Variants in CCDC33 observed in about 807,000 individuals in gnomAD.
CCDC33 encodes the protein coiled-coil domain-containing protein 33.
Under a neutral mutation model 91.9 loss-of-function variants are expected in CCDC33, and 94 were observed. The ratio of observed to expected loss-of-function variants is 1.02; its 90% CI spans 0.87 to 1.21. CCDC33 has a LOEUF of 1.21. CCDC33 is among the 50% of genes most tolerant of loss of function. The probability of loss-of-function intolerance (pLI) is 0.00; values close to 1 mark genes in which losing one functional copy is unlikely to be tolerated. For missense variants in CCDC33, 940 were observed against 935.5 expected, an observed-to-expected ratio of 1.00 and a Z score of -0.06; for synonymous variants, 396 against 374.5, an observed-to-expected ratio of 1.06 and a Z score of -0.66.
At chr15:74,290,997 T>A (rs1478668982) in intron 10 of CCDC33, among the ~76,000 whole-genome samples, 1 of 152,208 alleles carries the variant, frequency 6.6e-6, no homozygotes, top group African/African-American at 2.4e-5. Context: ...ACAGAATTTT[T>A]AAAAATTCTT....
chr15:74,248,937 A>C (rs1341952858), intron 2 of CCDC33, among the ~76,000 whole-genome samples: 1 of 152,156 alleles, frequency 6.6e-6, no homozygotes, highest in Non-Finnish European at 1.5e-5. Context: ...CAGGTAAAGG[A>C]AATAATGTAT....
At chr15:74,235,282 G>T (rs2075114042), upstream of CCDC33, among the ~76,000 whole-genome samples, 1 of 152,142 alleles carries the variant, frequency 6.6e-6, no homozygotes, top group Non-Finnish European at 1.5e-5. Context: ...CAAAAGCAAA[G>T]CCTCAGTTTT....
chr15:74,318,453 C>G, intron 11 of CCDC33: 2 of 551,732 alleles, frequency 3.6e-6, no homozygotes, highest in South Asian at 2.6e-5. Context: ...ACACCCCCCA[C>G]CCTGGAACAA....
intron 2 of CCDC33, among the ~76,000 whole-genome samples, chr15:74,209,906 C>T (rs2074344395): frequency 6.6e-6 from 1 of 152,146 alleles, no homozygotes; most frequent in South Asian, 2.1e-4. Context: ...GCAGTCTCTT[C>T]CTTGAAGGAG....
upstream of CCDC33, among the ~76,000 whole-genome samples, chr15:74,215,341 A>G (rs2074413318): frequency 6.6e-6 from 1 of 152,154 alleles, no homozygotes; most frequent in African/African-American, 2.4e-5. Context: ...ATTCACAGAG[A>G]CGGAAAGTAG....
chr15:74,229,246 A>G (rs760436852), intron 2 of CCDC33, among the ~76,000 whole-genome samples: 8 of 152,176 alleles, frequency 5.3e-5, no homozygotes, highest in Non-Finnish European at 7.3e-5. Flanking sequence ...TAATCCCAGC[A>G]CTTTGGGAGA....
rs779909013 is a variant in CCDC33 at position 74,331,202 on chromosome 15, G to A, written c.1678-1G>A. ...AGCCCAGCCTCTGCTCTGCTCTCCA[G>A]GTGATCGAGAAGATGGAGCGGGTGC... On this transcript the variant is annotated splice_acceptor_variant, in intron 14 of 18. Coordinates refer to ENST00000398814, the MANE Select transcript of CCDC33 (RefSeq NM_025055.5). LOFTEE classifies it high-confidence loss of function. 2 of 1,614,194 alleles carry A rather than the reference G, an allele frequency of 1.2e-6. No homozygotes were observed. Among genetic ancestry groups the A allele is most frequent in the East Asian group, 2.2e-5 (1 of 44,878 alleles).
At chr15:74,276,031 C>T (rs1397261492) in intron 7 of CCDC33, among the ~76,000 whole-genome samples, 3 of 152,220 alleles carry the variant, frequency 2.0e-5, no homozygotes, top group Non-Finnish European at 4.4e-5. Context: ...CCCAGCCATC[C>T]CTCAGCAGAC....
intron 11 of CCDC33, among the ~76,000 whole-genome samples, chr15:74,298,807 G>A (rs912866714): frequency 4.6e-5 from 7 of 150,826 alleles, no homozygotes; most frequent in African/African-American, 1.5e-4. Flanking sequence ...CCGCCTCCCG[G>A]GTTCAAGCGA....
At chr15:74,249,995 C>T (rs553922088) in intron 2 of CCDC33, among the ~76,000 whole-genome samples, 5 of 152,270 alleles carry the variant, frequency 3.3e-5, no homozygotes, top group South Asian at 4.1e-4. Flanking sequence ...GGTTTCTGCC[C>T]TATGTGGCTC....
At position 74,249,439 on chromosome 15, in the gene CCDC33, G is replaced by C. The variant is rs562684326; in HGVS notation, c.185+5291G>C. 1.4e-3 allele frequency among the ~76,000 whole-genome samples: 207 copies of C among 152,024 alleles called. 1 individual carries two copies. The highest frequency in any genetic ancestry group is 6.8e-3 in the Middle Eastern group (2 of 294). On this transcript the variant is annotated intron_variant, in intron 2 of 18. Coordinates refer to ENST00000398814, the MANE Select transcript of CCDC33 (RefSeq NM_025055.5). The stretch of plus-strand genomic sequence containing the variant: ...GGAGGTGGAGCTTGCAGTGAGCTGA[G>C]ATCAAGCAACTGCACTCCAGCCTGG...
At position 74,307,666 on chromosome 15, in the gene CCDC33, AC is replaced by A. The variant is rs1223372854; in HGVS notation, c.1290+11723del. On this transcript the variant is annotated intron_variant, in intron 11 of 18. Coordinates refer to ENST00000398814, the MANE Select transcript of CCDC33 (RefSeq NM_025055.5). ...AAGACAAGCTCTGTGGCCTCAGGCC[AC>A]CCCCTGCCGAGTTCCACCTGGAACA... 7.9e-5 allele frequency among the ~76,000 whole-genome samples: 12 copies of A among 151,838 alleles called. No homozygotes were observed. In the East Asian group the frequency reaches 2.3e-3, roughly 30 times the overall value.
At chr15:74,236,773 T>C in intron 1 of CCDC33, 33 bp downstream of exon 1, 1 of 1,608,086 alleles carries the variant, frequency 6.2e-7, no homozygotes, top group South Asian at 1.1e-5. Flanking sequence ...TGCACCTGCA[T>C]GAATCCGTCC....
chr15:74,315,928 C>T (rs1333142482), intron 11 of CCDC33, among the ~76,000 whole-genome samples: 2 of 152,156 alleles, frequency 1.3e-5, no homozygotes, highest in Non-Finnish European at 2.9e-5. Context: ...AGCCCCAATG[C>T]CACCAGGCAT....
At chr15:74,237,038 C>T (rs918703249) in intron 1 of CCDC33, among the ~76,000 whole-genome samples, 1 of 152,304 alleles carries the variant, frequency 6.6e-6, no homozygotes, top group East Asian at 1.9e-4. Flanking sequence ...GTCTGAGAGC[C>T]CACTGAGATG....
At chr15:74,276,015 A>G (rs1355844173) in intron 7 of CCDC33, among the ~76,000 whole-genome samples, 2 of 152,168 alleles carry the variant, frequency 1.3e-5, no homozygotes, top group African/African-American at 2.4e-5. Flanking sequence ...CTGGAAACCA[A>G]CCTTACCCAG....
At chr15:74,236,836 AG>A in intron 1 of CCDC33, 96 bp downstream of exon 1, 3 of 1,246,890 alleles carry the variant, frequency 2.4e-6, no homozygotes, top group Non-Finnish European at 3.4e-6. Flanking sequence ...TCATGACAAA[AG>A]CTTCCCTTCC....
intron 11 of CCDC33, among the ~76,000 whole-genome samples, chr15:74,329,390 C>T (rs550785771): frequency 1.4e-4 from 21 of 152,314 alleles, no homozygotes; most frequent in Non-Finnish European, 7.4e-5. Context: ...AGTCTTGTAA[C>T]TGAGCAAGTT....
chr15:74,298,535 TTTTG>T (rs1220834457), intron 11 of CCDC33, among the ~76,000 whole-genome samples: 4 of 152,072 alleles, frequency 2.6e-5, no homozygotes, highest in African/African-American at 9.6e-5. Flanking sequence ...TTTTTTGGTT[TTTTG>T]TTTGTTTGTT....
Sources: allele counts gnomAD v4.1 joint callset (sites outside exome capture counted in the v4.1 genomes callset), GRCh38; gene constraint gnomAD v4.1.1; transcripts MANE v1.5; gene names NCBI Gene and HGNC (gene_info 2026-07-23, HGNC 2026-07-21).